The following GLI2 variants were observed in gnomAD, a reference collection of about 807,000 sequenced individuals.
GLI2 encodes transcription activator GLI2.
In GLI2, 22 loss-of-function variants were observed where a neutral mutation model predicts 78.9. The observed-to-expected ratio is 0.28, with a 90% CI of 0.20 to 0.40. The LOEUF (loss-of-function observed/expected upper bound fraction) is 0.40. Ranked by LOEUF, GLI2 falls within the 10% of genes least tolerant of loss-of-function variation. The probability of loss-of-function intolerance (pLI) is 1.00; values close to 1 mark genes in which losing one functional copy is unlikely to be tolerated. For missense variants in GLI2, 2,097 were observed against 2,213.2 expected, an observed-to-expected ratio of 0.95 and a Z score of 1.05; for synonymous variants, 974 against 963.7, an observed-to-expected ratio of 1.01 and a Z score of -0.20.
At chr2:120,805,528 T>G (rs1271041916) in intron 2 of GLI2, among the ~76,000 whole-genome samples, 1 of 152,254 alleles carries the variant, frequency 6.6e-6, no homozygotes, top group Non-Finnish European at 1.5e-5. Context: ...CATTTCCACT[T>G]ACAGAACTGG....
At chr2:120,779,253 C>T (rs1226337329) in intron 1 of GLI2, among the ~76,000 whole-genome samples, 1 of 152,134 alleles carries the variant, frequency 6.6e-6, no homozygotes, top group East Asian at 1.9e-4. Context: ...TTCAAGGTCC[C>T]ATCTGGAAAG....
At chr2:120,968,677 A>G in intron 5 of GLI2, 37 bp from the exon 6 acceptor site, 2 of 1,118,194 alleles carry the variant, frequency 1.8e-6, no homozygotes, top group Non-Finnish European at 2.6e-6. Flanking sequence ...CCCCATCCCC[A>G]GTGATGCTGA....
chr2:120,869,684 A>G (rs567694392), intron 2 of GLI2, among the ~76,000 whole-genome samples: 127 of 152,376 alleles, frequency 8.3e-4, no homozygotes, highest in African/African-American at 3.0e-3. Context: ...TGGAAGCCAG[A>G]GAGAGAACAA....
chr2:120,957,236 C>T (rs1681317994), intron 5 of GLI2, among the ~76,000 whole-genome samples: 1 of 152,172 alleles, frequency 6.6e-6, no homozygotes, highest in African/African-American at 2.4e-5. Context: ...CTGTGTCTGT[C>T]CCGTTCTTCC....
intron 2 of GLI2, among the ~76,000 whole-genome samples, chr2:120,858,660 C>T (rs1401527774): frequency 6.6e-6 from 1 of 152,140 alleles, no homozygotes; most frequent in African/African-American, 2.4e-5. Flanking sequence ...CTCTGTGCAG[C>T]CCAGTGGCCG....
At chr2:120,801,178 G>C (rs1358232021) in intron 2 of GLI2, among the ~76,000 whole-genome samples, 3 of 151,804 alleles carry the variant, frequency 2.0e-5, no homozygotes, top group Admixed American at 1.3e-4. Flanking sequence ...TCACTCTGTC[G>C]CCCAGGCTAG....
At chr2:120,852,097 A>T (rs1463002670) in intron 2 of GLI2, among the ~76,000 whole-genome samples, 1 of 152,198 alleles carries the variant, frequency 6.6e-6, no homozygotes, top group African/African-American at 2.4e-5. Flanking sequence ...AAGGGCGAGA[A>T]GTCCCAGGCC....
chr2:120,852,431 C>G (rs527788969), intron 2 of GLI2, among the ~76,000 whole-genome samples: 134 of 152,286 alleles, frequency 8.8e-4, no homozygotes, highest in African/African-American at 3.1e-3. Flanking sequence ...ACCAGGGGTG[C>G]CAGGGGGACA....
chr2:120,886,947 C>T (rs189071800), intron 2 of GLI2, among the ~76,000 whole-genome samples: 17 of 152,306 alleles, frequency 1.1e-4, no homozygotes, highest in African/African-American at 3.6e-4. Context: ...AAGGGCTGGA[C>T]GGAGAGATCC....
chr2:120,737,735 T>C lies in GLI2; in HGVS notation c.-31+1450T>C, dbSNP rs562603645. 8.5e-5 allele frequency among the ~76,000 whole-genome samples: 13 copies of C among 152,324 alleles called. No individual in the cohort carries two copies. Among genetic ancestry groups the C allele is most frequent in the African/African-American group, 3.1e-4 (13 of 41,576 alleles). ...CTCATAGGCTGTTTGCAGACGAGGC[T>C]CTGGGGGATGTAGGAGAATTTGAAA... On this transcript the variant is annotated intron_variant, in intron 1 of 13. Coordinates refer to ENST00000361492, the MANE Select transcript of GLI2 (RefSeq NM_001374353.1). This position sits in a 1 kb window ranked among gnomAD's most constrained non-coding sequence, Gnocchi z 4.3.
intron 3 of GLI2, among the ~76,000 whole-genome samples, chr2:120,933,020 T>G (rs536775976): frequency 5.5e-4 from 83 of 151,956 alleles, no homozygotes; most frequent in African/African-American, 1.9e-3. Context: ...GCTACAGCAG[T>G]AGTTAGGGAG....
In GLI2 at chr2:120,982,847, C is replaced by T. The variant is rs749322649; in HGVS notation, c.1599C>T (p.Arg533=). Residue 533 remains arginine, a synonymous_variant, in exon 11 of 14, where the codon CGC becomes CGT. Coordinates refer to ENST00000361492, the MANE Select transcript of GLI2 (RefSeq NM_001374353.1). ...CNKAFSNASD[R]AKHQNRTHSN... is the part of the protein sequence containing the mutation. ...AAGCCTTCTCCAACGCCTCGGACCG[C>T]GCCAAGCACCAGAATCGCACCCACT... 6.8e-6 allele frequency: 11 copies of T among 1,613,988 alleles called. No individual in the cohort carries two copies. The East Asian group carries it at 1.1e-4, about 16-fold the overall frequency.
intron 2 of GLI2, among the ~76,000 whole-genome samples, chr2:120,925,428 G>A (rs1010451392): frequency 1.3e-5 from 2 of 152,132 alleles, no homozygotes; most frequent in Non-Finnish European, 2.9e-5. Context: ...ATTGACAGAT[G>A]AGTGGACAAA....
At chr2:120,867,216 G>C (rs1201500266) in intron 2 of GLI2, 1 of 152,216 alleles carries the variant, frequency 6.6e-6, no homozygotes, top group Non-Finnish European at 1.5e-5. Context: ...CCAAGTTCCA[G>C]ACCCTGGAGG....
At chr2:120,890,552 T>C (rs749078336) in intron 2 of GLI2, among the ~76,000 whole-genome samples, 1 of 152,148 alleles carries the variant, frequency 6.6e-6, no homozygotes, top group Non-Finnish European at 1.5e-5. Context: ...ATGCATTGTA[T>C]CACTATCAGT....
At chr2:120,880,899 G>A (rs1677077625) in intron 2 of GLI2, among the ~76,000 whole-genome samples, 1 of 152,150 alleles carries the variant, frequency 6.6e-6, no homozygotes, top group African/African-American at 2.4e-5. Context: ...TAGCTACATG[G>A]ATGGAAATGC....
At chr2:120,862,902 T>C (rs1687967830) in intron 2 of GLI2, among the ~76,000 whole-genome samples, 1 of 152,170 alleles carries the variant, frequency 6.6e-6, no homozygotes, top group Non-Finnish European at 1.5e-5. Context: ...AGATTGTAGC[T>C]CGTATCTCTT....
intron 10 of GLI2, among the ~76,000 whole-genome samples, chr2:120,980,028 G>C (rs1248306961): frequency 6.6e-6 from 1 of 152,178 alleles, no homozygotes; most frequent in Admixed American, 6.5e-5. Context: ...ACCATGTTTT[G>C]TTTATGCATT....
At chr2:120,848,101 G>A (rs944160452) in intron 2 of GLI2, among the ~76,000 whole-genome samples, 1 of 152,226 alleles carries the variant, frequency 6.6e-6, no homozygotes, top group Non-Finnish European at 1.5e-5. Flanking sequence ...GCATCTTGAC[G>A]GAGCTTGTCC....
Sources: gnomAD v4.1 joint callset for allele counts (sites outside exome capture counted in the v4.1 genomes callset) on GRCh38, gnomAD v4.1.1 for gene constraint, Gnocchi (gnomAD v3.1) non-coding constraint, MANE v1.5 for transcripts, NCBI Gene and HGNC (gene_info 2026-07-23, HGNC 2026-07-21) for gene names.